The following TMEM132D variants were observed in gnomAD, a reference collection of about 807,000 sequenced individuals.
The protein encoded by TMEM132D is transmembrane protein 132D, also known as mature OL transmembrane protein.
Under a neutral mutation model 62.3 loss-of-function variants are expected in TMEM132D, and 21 were observed. The ratio of observed to expected loss-of-function variants is 0.34; its 90% CI spans 0.24 to 0.49. The LOEUF (loss-of-function observed/expected upper bound fraction) is 0.49, where lower values mean the gene tolerates loss of function less well. Among genes scored for constraint, TMEM132D ranks in the 20% least tolerant of loss-of-function variants. The probability of loss-of-function intolerance (pLI) is 0.99; values close to 1 mark genes in which losing one functional copy is unlikely to be tolerated. For missense variants in TMEM132D, 1,346 were observed against 1,402.8 expected, an observed-to-expected ratio of 0.96 and a Z score of 0.65; for synonymous variants, 621 against 575.6, an observed-to-expected ratio of 1.08 and a Z score of -1.13.
chr12:129,328,161 A>G (rs1868979446), intron 4 of TMEM132D, among the ~76,000 whole-genome samples: 5 of 152,148 alleles, frequency 3.3e-5, no homozygotes, highest in Middle Eastern at 3.4e-3. Context: ...GCACATCTCA[A>G]TGAGTCTTTC....
intron 2 of TMEM132D, among the ~76,000 whole-genome samples, chr12:129,690,517 C>T (rs921852887): frequency 1.3e-5 from 2 of 152,066 alleles, no homozygotes; most frequent in Non-Finnish European, 2.9e-5. Flanking sequence ...ATCATGCTAA[C>T]GATAATAAAT....
intron 3 of TMEM132D, among the ~76,000 whole-genome samples, chr12:129,364,865 C>A (rs1320520848): frequency 6.6e-6 from 1 of 152,182 alleles, no homozygotes; most frequent in East Asian, 1.9e-4. Flanking sequence ...CTCACCTAGA[C>A]TGGAGAGGGT....
At chr12:129,729,113 A>C (rs1869133892) in intron 1 of TMEM132D, among the ~76,000 whole-genome samples, 1 of 152,218 alleles carries the variant, frequency 6.6e-6, no homozygotes, top group South Asian at 2.1e-4. Context: ...AATCAACAGA[A>C]TAGCACCCTT....
At chr12:129,354,123 C>G (rs563338520) in intron 3 of TMEM132D, among the ~76,000 whole-genome samples, 1 of 152,146 alleles carries the variant, frequency 6.6e-6, no homozygotes, top group Non-Finnish European at 1.5e-5. Flanking sequence ...AGCCCAGGCA[C>G]AGACAAGGAC....
intron 2 of TMEM132D, among the ~76,000 whole-genome samples, chr12:129,542,440 G>A (rs1014705624): frequency 6.7e-6 from 1 of 150,356 alleles, no homozygotes; most frequent in Admixed American, 6.7e-5. Flanking sequence ...TCTCAGGGAT[G>A]TCTTTTGGGA....
intron 1 of TMEM132D, among the ~76,000 whole-genome samples, chr12:129,844,533 G>A (rs1489423935): frequency 1.3e-5 from 2 of 152,192 alleles, no homozygotes; most frequent in Non-Finnish European, 2.9e-5. Context: ...ATGTTCATCT[G>A]AACAGACAAA....
intron 3 of TMEM132D, among the ~76,000 whole-genome samples, chr12:129,443,038 T>C (rs1872985898): frequency 6.6e-6 from 1 of 152,054 alleles, no homozygotes; most frequent in Non-Finnish European, 1.5e-5. Context: ...CAGGCACCCT[T>C]GCTTCAGGGT....
At chr12:129,807,026 C>G (rs951049635) in intron 1 of TMEM132D, among the ~76,000 whole-genome samples, 1 of 151,782 alleles carries the variant, frequency 6.6e-6, no homozygotes, top group Non-Finnish European at 1.5e-5. Context: ...AGAGCAAGAC[C>G]CTATCTAAAT....
At chr12:129,486,093 G>C (rs1874570278) in intron 3 of TMEM132D, among the ~76,000 whole-genome samples, 1 of 152,136 alleles carries the variant, frequency 6.6e-6, no homozygotes, top group Non-Finnish European at 1.5e-5. Context: ...GAGGAACCAA[G>C]CTCGTGGGAG....
intron 4 of TMEM132D, among the ~76,000 whole-genome samples, chr12:129,302,322 C>T (rs560376849): frequency 1.5e-4 from 23 of 152,336 alleles, no homozygotes; most frequent in African/African-American, 5.5e-4. Context: ...ACCATGTTGG[C>T]CAGGCTGGTC....
chr12:129,405,484 T>A lies in TMEM132D; in HGVS notation c.1116-67667A>T, dbSNP rs550431892. Among the ~76,000 whole-genome samples the A allele has an allele frequency of 2.0e-5, 3 of 152,206 alleles. No homozygotes were observed. In the South Asian group the frequency reaches 6.2e-4, roughly 32 times the overall value. On this transcript the variant is annotated intron_variant, in intron 3 of 8. Coordinates refer to ENST00000422113, the MANE Select transcript of TMEM132D (RefSeq NM_133448.3). ...TTGAACAAATACATAAATATGAGGA[T>A]CCCCTGGCTGCTGTGGGGCAAGCAG...
At chr12:129,831,426 C>A (rs1794296695) in intron 1 of TMEM132D, among the ~76,000 whole-genome samples, 1 of 152,202 alleles carries the variant, frequency 6.6e-6, no homozygotes, top group South Asian at 2.1e-4. Context: ...AGACTGTGGT[C>A]TTTGATGCCA....
intron 5 of TMEM132D, among the ~76,000 whole-genome samples, chr12:129,091,849 C>T (rs1874928084): frequency 6.6e-6 from 1 of 152,222 alleles, no homozygotes; most frequent in Admixed American, 6.5e-5. Flanking sequence ...CTGGATGGAG[C>T]AGAACTTCTT....
chr12:129,713,188 C>T (rs1043698882), intron 1 of TMEM132D, among the ~76,000 whole-genome samples: 1 of 152,102 alleles, frequency 6.6e-6, no homozygotes, highest in Admixed American at 6.5e-5. Flanking sequence ...GATTCAGATG[C>T]TCTAGGGGCC....
intron 2 of TMEM132D, among the ~76,000 whole-genome samples, chr12:129,614,800 C>T (rs1878871363): frequency 6.6e-6 from 1 of 152,178 alleles, no homozygotes; most frequent in Non-Finnish European, 1.5e-5. Flanking sequence ...CCCCGGAATC[C>T]AAATGATATG....
chr12:129,833,133 C>T (rs1872895769), intron 1 of TMEM132D, among the ~76,000 whole-genome samples: 1 of 152,228 alleles, frequency 6.6e-6, no homozygotes, highest in African/African-American at 2.4e-5. Flanking sequence ...CACAACTCTA[C>T]TTGGCTTTCA....
intron 3 of TMEM132D, among the ~76,000 whole-genome samples, chr12:129,346,281 G>C (rs1226044453): frequency 6.6e-6 from 1 of 152,112 alleles, no homozygotes; most frequent in Non-Finnish European, 1.5e-5. Context: ...GATCAGTGGA[G>C]ATATCCCCTT....
At chr12:129,886,878 C>A (rs1874764320) in intron 1 of TMEM132D, among the ~76,000 whole-genome samples, 1 of 152,134 alleles carries the variant, frequency 6.6e-6, no homozygotes, top group African/African-American at 2.4e-5. Context: ...GAGGCTTTTC[C>A]CCCTTTTGCT....
chr12:129,374,177 G>A (rs1185248573), intron 3 of TMEM132D, among the ~76,000 whole-genome samples: 1 of 152,000 alleles, frequency 6.6e-6, no homozygotes, highest in Non-Finnish European at 1.5e-5. Context: ...CTGGAAGATG[G>A]AAGGTCTGAG....
Sources: allele counts gnomAD v4.1 joint callset (sites outside exome capture counted in the v4.1 genomes callset), GRCh38; gene constraint gnomAD v4.1.1; transcripts MANE v1.5; gene names NCBI Gene and HGNC (gene_info 2026-07-23, HGNC 2026-07-21).